Variants in ACOXL observed in about 807,000 individuals in gnomAD.
The protein encoded by ACOXL is acyl-CoA oxidase like.
In ACOXL, 70 loss-of-function variants were observed where a neutral mutation model predicts 71.9. That is an observed-to-expected ratio of 0.97 (90% CI 0.80 to 1.19). The LOEUF (loss-of-function observed/expected upper bound fraction) is 1.19. Ranked by LOEUF, ACOXL falls within the 50% of genes most tolerant of loss-of-function variation. The pLI is 0.00. For synonymous variants in ACOXL, 253 were observed against 281.6 expected, an observed-to-expected ratio of 0.90 and a Z score of 1.02; for missense variants, 703 against 736.3, an observed-to-expected ratio of 0.95 and a Z score of 0.52.
At chr2:111,034,229 G>A (rs2065407559) in intron 15 of ACOXL, among the ~76,000 whole-genome samples, 1 of 152,188 alleles carries the variant, frequency 6.6e-6, no homozygotes, top group African/African-American at 2.4e-5. Context: ...ATGAGACAAC[G>A]CTCCAAAGCT....
chr2:110,985,536 A>G (rs1055063610), intron 12 of ACOXL, among the ~76,000 whole-genome samples: 2 of 152,222 alleles, frequency 1.3e-5, no homozygotes, highest in Non-Finnish European at 2.9e-5. Flanking sequence ...CAATGCCTGC[A>G]TCTATACTCA....
chr2:110,998,745 T>C (rs1438796011), intron 14 of ACOXL, among the ~76,000 whole-genome samples: 3 of 152,196 alleles, frequency 2.0e-5, no homozygotes, highest in Admixed American at 6.5e-5. Context: ...ATTTTCATCC[T>C]AGAGAGCCTT....
At position 111,026,906 on chromosome 2, in the gene ACOXL, C is replaced by A. The variant is rs552493398; in HGVS notation, c.1282-4721C>A. Among the ~76,000 whole-genome samples the A allele has an allele frequency of 3.9e-5, 6 of 152,190 alleles. No homozygotes were observed. The South Asian group carries it at 1.0e-3, about 26-fold the overall frequency. ...GTTGTTGTTGTTGGGTTTTTGTTTT[C>A]GTTTTTTTAAGATAAGGTCTCCCTC... On this transcript the variant is annotated intron_variant, in intron 14 of 17. Transcript: ENST00000439055.
intron 15 of ACOXL, among the ~76,000 whole-genome samples, chr2:111,034,080 A>T (rs943100351): frequency 1.3e-5 from 2 of 152,236 alleles, no homozygotes; most frequent in Non-Finnish European, 2.9e-5. Flanking sequence ...TCAGGTCACC[A>T]GGTTCAGATC....
At chr2:110,887,891 C>G (rs1056683048) in intron 10 of ACOXL, 2 of 152,192 alleles carry the variant, frequency 1.3e-5, no homozygotes, top group Non-Finnish European at 2.9e-5. Flanking sequence ...CATTTGCTCT[C>G]TTGCTGACAT....
intron 16 of ACOXL, among the ~76,000 whole-genome samples, chr2:111,081,703 C>T (rs1240014548): frequency 6.6e-6 from 1 of 152,112 alleles, no homozygotes; most frequent in Non-Finnish European, 1.5e-5. Flanking sequence ...AAAAAAGAGC[C>T]CGTATAGCCA....
chr2:110,994,264 C>T (rs1305772768), intron 13 of ACOXL, among the ~76,000 whole-genome samples: 1 of 152,162 alleles, frequency 6.6e-6, no homozygotes, highest in Non-Finnish European at 1.5e-5. Flanking sequence ...TCTTAAAGCC[C>T]AGATTCAGAA....
intron 9 of ACOXL, among the ~76,000 whole-genome samples, chr2:110,839,838 C>A (rs547158138): frequency 2.0e-5 from 3 of 152,262 alleles, no homozygotes; most frequent in Admixed American, 6.5e-5. Flanking sequence ...CCTGGGACAG[C>A]ACCATGAATG....
intron 10 of ACOXL, among the ~76,000 whole-genome samples, chr2:110,845,501 G>T (rs1452350499): frequency 6.6e-6 from 1 of 152,152 alleles, no homozygotes; most frequent in Admixed American, 6.5e-5. Context: ...CATTCCCACT[G>T]CTGTGCAATC....
At chr2:110,858,840 A>G (rs945912974) in intron 10 of ACOXL, among the ~76,000 whole-genome samples, 2 of 152,192 alleles carry the variant, frequency 1.3e-5, no homozygotes, top group Non-Finnish European at 2.9e-5. Flanking sequence ...CTGTTTTATT[A>G]CAGGTTTAAA....
chr2:110,752,637 T>C (rs1292831252), intron 1 of ACOXL, among the ~76,000 whole-genome samples: 2 of 151,738 alleles, frequency 1.3e-5, no homozygotes, highest in Admixed American at 6.6e-5. Context: ...TTCACTGGGC[T>C]GTACATTTAC....
chr2:110,887,102 G>T (rs1697391697), intron 10 of ACOXL: 3 of 422,122 alleles, frequency 7.1e-6, no homozygotes, highest in African/African-American at 5.9e-5. Context: ...TGGCAAGGAC[G>T]ATCTGGGGTG....
intron 17 of ACOXL, among the ~76,000 whole-genome samples, chr2:111,096,722 T>C (rs2068823040): frequency 6.6e-6 from 1 of 152,220 alleles, no homozygotes; most frequent in Admixed American, 6.5e-5. Flanking sequence ...TCTTTTATTG[T>C]GTGTTGGTCA....
At chr2:110,814,750 A>G (rs1009779674) in intron 9 of ACOXL, among the ~76,000 whole-genome samples, 1 of 152,226 alleles carries the variant, frequency 6.6e-6, no homozygotes, top group Admixed American at 6.5e-5. Context: ...TAATGTCAAA[A>G]TATCTTTACA....
At chr2:110,874,771 G>T (rs1415418607) in intron 10 of ACOXL, among the ~76,000 whole-genome samples, 1 of 152,162 alleles carries the variant, frequency 6.6e-6, no homozygotes, top group Non-Finnish European at 1.5e-5. Flanking sequence ...GAATGATTGG[G>T]TTTATTATTC....
chr2:111,104,726 T>G (rs13388990), intron 17 of ACOXL, among the ~76,000 whole-genome samples: 2 of 151,918 alleles, frequency 1.3e-5, no homozygotes, highest in Non-Finnish European at 2.9e-5. Context: ...TACTAGTCCT[T>G]TGTCAGATAT....
intron 10 of ACOXL, among the ~76,000 whole-genome samples, chr2:110,873,250 G>A (rs1279422435): frequency 1.3e-5 from 2 of 152,108 alleles, no homozygotes; most frequent in Admixed American, 6.5e-5. Flanking sequence ...GCAACAGGGG[G>A]CTGGTGGATT....
intron 12 of ACOXL, among the ~76,000 whole-genome samples, chr2:110,938,726 TGAAA>T (rs201000010): frequency 2.0e-5 from 3 of 152,318 alleles, no homozygotes; most frequent in East Asian, 1.9e-4. Context: ...AATGAATGAA[TGAAA>T]GAATGTCCTG....
At chr2:110,827,896 A>G (rs940354556) in intron 9 of ACOXL, among the ~76,000 whole-genome samples, 10 of 152,346 alleles carry the variant, frequency 6.6e-5, no homozygotes, top group Non-Finnish European at 1.2e-4. Flanking sequence ...ATATTGCTAA[A>G]TAATCTTCTT....
Sources: allele counts gnomAD v4.1 joint callset (sites outside exome capture counted in the v4.1 genomes callset), GRCh38; gene constraint gnomAD v4.1.1; transcripts MANE v1.5; gene names NCBI Gene and HGNC (gene_info 2026-07-23, HGNC 2026-07-21).